Variants in CRTC1 observed in about 807,000 individuals in gnomAD.
CRTC1 encodes the protein CREB regulated transcription coactivator 1, also known as CREB-regulated transcription coactivator 1.
CRTC1 carries 18 observed loss-of-function variants against 66.1 expected under a neutral mutation model. The ratio of observed to expected loss-of-function variants is 0.27; its 90% CI spans 0.19 to 0.40. CRTC1 has a LOEUF of 0.40. CRTC1 is among the 10% of genes least tolerant of loss of function. The pLI, the probability that CRTC1 is intolerant of heterozygous loss-of-function variation, is 1.00. For missense variants in CRTC1, 669 were observed against 887.9 expected, an observed-to-expected ratio of 0.75 and a Z score of 3.13; for synonymous variants, 416 against 398.8, an observed-to-expected ratio of 1.04 and a Z score of -0.51.
At chr19:18,688,613 T>A (rs1568474283) in intron 1 of CRTC1, among the ~76,000 whole-genome samples, 1 of 152,046 alleles carries the variant, frequency 6.6e-6, no homozygotes, top group Non-Finnish European at 1.5e-5. Context: ...TAATTTTGTA[T>A]TTTTAGTAGA....
At chr19:18,730,325 C>T (rs969720965) in intron 1 of CRTC1, among the ~76,000 whole-genome samples, 3 of 152,074 alleles carry the variant, frequency 2.0e-5, no homozygotes, top group South Asian at 2.1e-4. Flanking sequence ...AGGCAGGGGG[C>T]GCCTGGTGAA....
intron 6 of CRTC1, among the ~76,000 whole-genome samples, chr19:18,759,157 C>G (rs1165545233): frequency 6.6e-6 from 1 of 152,192 alleles, no homozygotes; most frequent in Non-Finnish European, 1.5e-5. Flanking sequence ...GAGCTGTGAT[C>G]ACACCACTGC....
intron 2 of CRTC1, 80 bp downstream of exon 2, chr19:18,743,106 A>G (rs983684003): frequency 9.0e-7 from 1 of 1,106,276 alleles, no homozygotes; most frequent in Non-Finnish European, 1.4e-6. Context: ...CATTGAGGAC[A>G]GCTGGGGTTA....
intron 1 of CRTC1, among the ~76,000 whole-genome samples, chr19:18,712,368 C>G (rs1214063323): frequency 6.6e-6 from 1 of 152,076 alleles, no homozygotes; most frequent in Admixed American, 6.6e-5. Flanking sequence ...AAGTGATTCT[C>G]CCACCTCAGC....
At chr19:18,713,547 G>GCACCCTTAGGCGTCCTCCTCGTGCCCCA in intron 1 of CRTC1, among the ~76,000 whole-genome samples, 1 of 55,954 alleles carries the variant, frequency 1.8e-5, no homozygotes, top group East Asian at 1.6e-3. Flanking sequence ...CTGAGGCCCT[G>GCACCCTTAGGCGTCCTCCTCGTGCCCCA]CACCCTTAGG....
At chr19:18,687,122 T>G (rs755662787) in intron 1 of CRTC1, among the ~76,000 whole-genome samples, 161 of 151,278 alleles carry the variant, frequency 1.1e-3, no homozygotes, top group Admixed American at 2.0e-3. Context: ...TTCAAGTGAT[T>G]CTCCTTCCTC....
intron 1 of CRTC1, 115 bp from the exon 2 acceptor site, chr19:18,742,795 T>G: frequency 1.3e-6 from 1 of 751,952 alleles, no homozygotes; most frequent in South Asian, 1.5e-5. Flanking sequence ...CCTGCAAACT[T>G]CTGCACTTAG....
At chr19:18,729,265 A>G (rs1461068387) in intron 1 of CRTC1, among the ~76,000 whole-genome samples, 2 of 150,836 alleles carry the variant, frequency 1.3e-5, no homozygotes, top group Non-Finnish European at 3.0e-5. Flanking sequence ...CTCTACTAAA[A>G]ATACAAAAAA....
intron 11 of CRTC1, among the ~76,000 whole-genome samples, chr19:18,774,449 A>T (rs1328258530): frequency 6.6e-6 from 1 of 152,116 alleles, no homozygotes; most frequent in East Asian, 1.9e-4. Flanking sequence ...CATCCTGTCC[A>T]TGTACGTGGC....
chr19:18,728,571 G>A (rs1476688132), intron 1 of CRTC1, among the ~76,000 whole-genome samples: 1 of 151,862 alleles, frequency 6.6e-6, no homozygotes, highest in African/African-American at 2.4e-5. Flanking sequence ...GCAATAGTGC[G>A]ATCTTGGCTC....
At chr19:18,774,831 G>T in intron 11 of CRTC1, 69 bp from the exon 12 acceptor site, 1 of 1,476,076 alleles carries the variant, frequency 6.8e-7, no homozygotes, top group Admixed American at 1.7e-5. Context: ...TTCCAGCCGG[G>T]CTTGGGAGGT....
chr19:18,723,142 T>A (rs2053665314), intron 1 of CRTC1, among the ~76,000 whole-genome samples: 1 of 152,162 alleles, frequency 6.6e-6, no homozygotes. Flanking sequence ...GGTTTCACCA[T>A]GTTGGCCAGG....
intron 6 of CRTC1, among the ~76,000 whole-genome samples, chr19:18,756,264 C>G (rs1402109838): frequency 7.3e-6 from 1 of 137,296 alleles, no homozygotes; most frequent in Non-Finnish European, 1.5e-5. Context: ...ACCCGGGAGG[C>G]AGAGGTTGCA....
intron 1 of CRTC1, among the ~76,000 whole-genome samples, chr19:18,696,554 G>A (rs1012867041): frequency 2.0e-4 from 30 of 152,296 alleles, no homozygotes; most frequent in African/African-American, 6.5e-4. Context: ...ACGGTGGGAG[G>A]AGGAGCTGGG....
At chr19:18,757,131 G>T (rs917006865) in intron 6 of CRTC1, among the ~76,000 whole-genome samples, 1 of 152,180 alleles carries the variant, frequency 6.6e-6, no homozygotes, top group African/African-American at 2.4e-5. Context: ...AATCCTGAAA[G>T]AACTCAGCCA....
At chr19:18,748,998 G>A (rs969714182) in intron 4 of CRTC1, among the ~76,000 whole-genome samples, 4 of 152,174 alleles carry the variant, frequency 2.6e-5, no homozygotes, top group African/African-American at 7.2e-5. Context: ...CTTGCTCAGA[G>A]ACACATAGCT....
chr19:18,699,020 G>T (rs2053068458), intron 1 of CRTC1, among the ~76,000 whole-genome samples: 1 of 152,062 alleles, frequency 6.6e-6, no homozygotes, highest in African/African-American at 2.4e-5. Context: ...CAGGTGCACA[G>T]TGTGTATTTA....
At chr19:18,725,548 A>G (rs532037728) in intron 1 of CRTC1, among the ~76,000 whole-genome samples, 2 of 152,108 alleles carry the variant, frequency 1.3e-5, no homozygotes, top group Non-Finnish European at 2.9e-5. Flanking sequence ...TGGAGAAGGC[A>G]TCAGTGCCAG....
At chr19:18,702,320 G>A (rs1215861789) in intron 1 of CRTC1, among the ~76,000 whole-genome samples, 2 of 151,704 alleles carry the variant, frequency 1.3e-5, no homozygotes, top group African/African-American at 4.8e-5. Flanking sequence ...CCTGGGCTCA[G>A]GCAGTCCTCC....
Sources: gnomAD v4.1 joint callset for allele counts (sites outside exome capture counted in the v4.1 genomes callset) on GRCh38, gnomAD v4.1.1 for gene constraint, MANE v1.5 for transcripts, NCBI Gene and HGNC (gene_info 2026-07-23, HGNC 2026-07-21) for gene names.